Variants in DLG2 observed in about 807,000 individuals in gnomAD.
DLG2 encodes the protein discs large MAGUK scaffold protein 2, also known as disks large homolog 2.
In DLG2, 45 loss-of-function variants were observed where a neutral mutation model predicts 132.5. The ratio of observed to expected loss-of-function variants is 0.34; its 90% CI spans 0.27 to 0.44. DLG2 has a LOEUF of 0.44. Ranked by LOEUF, DLG2 falls within the 20% of genes least tolerant of loss-of-function variation. The probability of loss-of-function intolerance (pLI) is 1.00; values close to 1 mark genes in which losing one functional copy is unlikely to be tolerated. For missense variants in DLG2, 1,045 were observed against 1,196.9 expected (o/e 0.87, Z 1.87); for synonymous variants, 424 against 419.6 (o/e 1.01, Z -0.13).
chr11:84,984,181 A>G (rs1216356740), intron 6 of DLG2, among the ~76,000 whole-genome samples: 1 of 152,198 alleles, frequency 6.6e-6, no homozygotes, highest in African/African-American at 2.4e-5. Flanking sequence ...TCATCCCAAA[A>G]AGATCATCAC....
intron 6 of DLG2, among the ~76,000 whole-genome samples, chr11:84,637,644 G>C (rs192512185): frequency 6.6e-6 from 1 of 152,336 alleles, no homozygotes; most frequent in Admixed American, 6.5e-5. Flanking sequence ...GGGAAGTTCA[G>C]ATTCAGAGCA....
intron 3 of DLG2, among the ~76,000 whole-genome samples, chr11:85,444,147 T>A (rs574329123): frequency 9.1e-4 from 138 of 152,260 alleles, no homozygotes; most frequent in African/African-American, 3.2e-3. Flanking sequence ...TGTTTTACAG[T>A]GGAAAATTTT....
At chr11:83,508,465 G>T (rs550972323) in intron 21 of DLG2, among the ~76,000 whole-genome samples, 1 of 139,354 alleles carries the variant, frequency 7.2e-6, no homozygotes, top group Non-Finnish European at 1.5e-5. Context: ...GGATGGTCTC[G>T]ATCTCCTGAC....
At chr11:85,426,299 T>G (rs1029441242) in intron 3 of DLG2, among the ~76,000 whole-genome samples, 30 of 152,010 alleles carry the variant, frequency 2.0e-4, no homozygotes, top group Non-Finnish European at 2.9e-5. Context: ...CAGCACGCAG[T>G]TGGACATCTG....
intron 14 of DLG2, among the ~76,000 whole-genome samples, chr11:83,939,037 C>T (rs973529431): frequency 6.6e-6 from 1 of 152,218 alleles, no homozygotes; most frequent in South Asian, 2.1e-4. Flanking sequence ...ATTAGACTCA[C>T]AATGGATCAT....
At chr11:84,308,806 G>A (rs1178690203) in intron 7 of DLG2, among the ~76,000 whole-genome samples, 3 of 152,172 alleles carry the variant, frequency 2.0e-5, no homozygotes, top group East Asian at 1.9e-4. Context: ...TGCCCGGGCC[G>A]GCAGGGCCAG....
chr11:83,944,918 A>G lies in DLG2; in HGVS notation c.1341-14435T>C, dbSNP rs1212444251. Among the ~76,000 whole-genome samples, 7 of 152,340 alleles carry G rather than the reference A, an allele frequency of 4.6e-5. No homozygotes were observed. In the East Asian group the frequency reaches 1.4e-3, roughly 29 times the overall value. Reference sequence around the variant, plus strand: ...ATCTTCCCTTTTGTCTCCTTAAGAAATATTCTATAAAATCTATGTGATTTG... The same window carrying G: ...ATCTTCCCTTTTGTCTCCTTAAGAAGTATTCTATAAAATCTATGTGATTTG... On this transcript the variant is annotated intron_variant, in intron 14 of 27. Transcript: ENST00000376104.
At chr11:84,127,281 C>T (rs2094217335) in intron 9 of DLG2, among the ~76,000 whole-genome samples, 1 of 152,172 alleles carries the variant, frequency 6.6e-6, no homozygotes, top group Non-Finnish European at 1.5e-5. Flanking sequence ...ATTGAACTCT[C>T]AGCATACCCA....
chr11:83,687,315 A>C (rs2079979105), intron 18 of DLG2, among the ~76,000 whole-genome samples: 1 of 152,186 alleles, frequency 6.6e-6, no homozygotes, highest in South Asian at 2.1e-4. Context: ...ATCGCAGCTG[A>C]GAAAAGTTGA....
In DLG2 at chr11:84,891,838, G is replaced by C. The variant is rs532696894; in HGVS notation, c.357+219823C>G. Among the ~76,000 whole-genome samples the C allele has an allele frequency of 3.3e-5, 5 of 152,240 alleles. 1 individual carries two copies. The South Asian group carries it at 6.2e-4, about 19-fold the overall frequency. Reference sequence around the variant, plus strand: ...GCCCTGTGAATACAGACCTAAAGCAGAGCATCTCTGCCCTCAAAGAATCTA... The same window carrying C: ...GCCCTGTGAATACAGACCTAAAGCACAGCATCTCTGCCCTCAAAGAATCTA... On this transcript the variant is annotated intron_variant, in intron 6 of 27. Transcript: ENST00000376104.
chr11:85,486,279 T>A (rs1003674114), intron 3 of DLG2, among the ~76,000 whole-genome samples: 1 of 149,650 alleles, frequency 6.7e-6, no homozygotes, highest in African/African-American at 2.5e-5. Context: ...GCAAGAGCAG[T>A]ATGCATTCCC....
Position 85,285,263 on chromosome 11 carries a change from G to A in DLG2, c.143C>T (p.Ser48Phe), listed in dbSNP as rs776520658. The A allele has an allele frequency of 5.0e-6, 8 of 1,611,760 alleles. No individual in the cohort carries two copies. Among genetic ancestry groups the A allele is most frequent in the Admixed American group, 3.3e-5 (2 of 59,846 alleles). The part of the protein sequence containing the change: ...NQVLQKWEKT[S>F]LLAPCHDRLQ... ...TCTGTCATGGCACGGAGCAAGAAGGGATGTCTTCTCCCATTTCTGTAAAAC... is the reference window on the plus strand; with the variant it reads ...TCTGTCATGGCACGGAGCAAGAAGGAATGTCTTCTCCCATTTCTGTAAAAC... Residue 48 changes from serine (S) to phenylalanine (F), a missense_variant, in exon 4 of 28, where the codon TCC (serine) becomes TTC (phenylalanine). By Grantham distance (155) the Ser-to-Phe change is radical. Around this residue, in one of 4 missense-constraint regions of DLG2, gnomAD observed 277 missense variants for 238.2 expected, o/e 1.16. Coordinates refer to ENST00000376104, the MANE Select transcript of DLG2 (RefSeq NM_001142699.3).
chr11:83,747,502 G>A (rs1215804650), intron 18 of DLG2, among the ~76,000 whole-genome samples: 1 of 151,874 alleles, frequency 6.6e-6, no homozygotes, highest in African/African-American at 2.4e-5. Context: ...CCAGTAGCTG[G>A]GACTACAGGT....
intron 3 of DLG2, among the ~76,000 whole-genome samples, chr11:85,361,970 A>T (rs2084189054): frequency 6.6e-6 from 1 of 151,992 alleles, no homozygotes; most frequent in Admixed American, 6.6e-5. Flanking sequence ...GTCATCTATG[A>T]TTTAGTTCTC....
chr11:84,884,542 G>A (rs1486425364), intron 6 of DLG2, among the ~76,000 whole-genome samples: 1 of 152,036 alleles, frequency 6.6e-6, no homozygotes, highest in Non-Finnish European at 1.5e-5. Context: ...GACAGTAATG[G>A]GTGACCATTC....
intron 9 of DLG2, among the ~76,000 whole-genome samples, chr11:84,101,374 A>G (rs1051011867): frequency 3.3e-5 from 5 of 152,158 alleles, no homozygotes; most frequent in African/African-American, 1.2e-4. Flanking sequence ...TGACAAGAGC[A>G]GAGTGTACGA....
chr11:84,647,525 G>C (rs1042120930), intron 6 of DLG2, among the ~76,000 whole-genome samples: 1 of 152,130 alleles, frequency 6.6e-6, no homozygotes. Context: ...TCAAAATTTT[G>C]TCCTGTGTAA....
intron 7 of DLG2, among the ~76,000 whole-genome samples, chr11:84,337,649 G>T (rs1224538858): frequency 6.6e-6 from 1 of 151,864 alleles, no homozygotes; most frequent in Non-Finnish European, 1.5e-5. Context: ...ATATAATTTG[G>T]TACCTCTGAC....
chr11:84,928,980 G>GTGTA (rs1375963430), intron 6 of DLG2, among the ~76,000 whole-genome samples: 5 of 40,250 alleles, frequency 1.2e-4, no homozygotes, highest in Admixed American at 3.6e-4. Context: ...GTGTGTGTGT[G>GTGTA]TGTATATATA....
Sources: allele counts gnomAD v4.1 joint callset (sites outside exome capture counted in the v4.1 genomes callset), GRCh38; gene constraint gnomAD v4.1.1; regional missense constraint gnomAD v4.1.1; transcripts MANE v1.5; gene names NCBI Gene and HGNC (gene_info 2026-07-23, HGNC 2026-07-21).